Variants in ARHGAP26 observed in about 807,000 individuals in gnomAD.
ARHGAP26 encodes rho GTPase-activating protein 26.
ARHGAP26 carries 38 observed loss-of-function variants against 104.8 expected under a neutral mutation model. The observed-to-expected ratio is 0.36, with a 90% confidence interval of 0.28 to 0.48. ARHGAP26 has a LOEUF of 0.48. Among genes scored for constraint, ARHGAP26 ranks in the 20% least tolerant of loss-of-function variants. The pLI is 0.99. For synonymous variants in ARHGAP26, 341 were observed against 340.0 expected (o/e 1.00, Z -0.03); for missense variants, 704 against 947.9 (o/e 0.74, Z 3.38).
At chr5:143,207,471 C>T (rs1216422892) in intron 21 of ARHGAP26, 163 bp downstream of exon 21, 2 of 1,613,672 alleles carry the variant, frequency 1.2e-6, no homozygotes, top group East Asian at 4.5e-5. Context: ...ATGAAGACTC[C>T]AGGTAAAATC....
intron 17 of ARHGAP26, among the ~76,000 whole-genome samples, chr5:143,111,060 G>A (rs1456583502): frequency 1.3e-5 from 2 of 152,230 alleles, no homozygotes; most frequent in African/African-American, 4.8e-5. Context: ...TACAGCAAAA[G>A]TATCATTCTT....
At chr5:142,790,892 C>T (rs1759662001) in intron 1 of ARHGAP26, among the ~76,000 whole-genome samples, 1 of 152,074 alleles carries the variant, frequency 6.6e-6, no homozygotes. Context: ...ATCTCATTAC[C>T]CCGTTTAGTA....
chr5:143,209,849 C>A (rs1278059799), intron 21 of ARHGAP26, among the ~76,000 whole-genome samples: 1 of 151,376 alleles, frequency 6.6e-6, no homozygotes, highest in Non-Finnish European at 1.5e-5. Flanking sequence ...CAGACAGCAA[C>A]ACTGCTGAGG....
At chr5:142,974,964 A>C (rs1022631089) in intron 11 of ARHGAP26, among the ~76,000 whole-genome samples, 2 of 152,004 alleles carry the variant, frequency 1.3e-5, no homozygotes, top group African/African-American at 4.8e-5. Context: ...TTTTCCATTA[A>C]TCCTGCCTTG....
chr5:142,815,893 C>T (rs886278662), intron 1 of ARHGAP26, among the ~76,000 whole-genome samples: 3 of 152,026 alleles, frequency 2.0e-5, no homozygotes, highest in Non-Finnish European at 2.9e-5. Context: ...CTCCTGGGCT[C>T]AAGTGATTCT....
intron 12 of ARHGAP26, among the ~76,000 whole-genome samples, chr5:143,023,575 A>G (rs1174649783): frequency 6.6e-6 from 1 of 152,108 alleles, no homozygotes. Context: ...TAGAACACCC[A>G]CAGTTGAGAG....
intron 12 of ARHGAP26, among the ~76,000 whole-genome samples, chr5:143,022,035 G>T (rs1366341741): frequency 6.6e-6 from 1 of 152,080 alleles, no homozygotes; most frequent in Non-Finnish European, 1.5e-5. Flanking sequence ...GATGTGTATT[G>T]TGGGGGAACA....
chr5:142,990,678 A>G lies in ARHGAP26; in HGVS notation c.1108-23402A>G, dbSNP rs150513061. On this transcript the variant is annotated intron_variant, in intron 11 of 22. Transcript: ENST00000645722. ...CTTTCTGTTTGTTAGTTTTCCTTCTAACAGTTAGGACTCTCAGCTGCAGGT... is the reference window on the plus strand; with the variant it reads ...CTTTCTGTTTGTTAGTTTTCCTTCTGACAGTTAGGACTCTCAGCTGCAGGT... 2.6e-3 allele frequency among the ~76,000 whole-genome samples: 396 copies of G among 152,264 alleles called. 1 individual carries two copies. The highest frequency in any genetic ancestry group is 8.9e-3 in the African/African-American group (368 of 41,556).
chr5:143,009,681 G>A (rs1398985581), intron 11 of ARHGAP26, among the ~76,000 whole-genome samples: 1 of 152,170 alleles, frequency 6.6e-6, no homozygotes, highest in Admixed American at 6.5e-5. Flanking sequence ...TTCTTCAGAA[G>A]CATATACTTG....
intron 18 of ARHGAP26, among the ~76,000 whole-genome samples, chr5:143,131,652 G>A (rs1797365366): frequency 6.6e-6 from 1 of 152,196 alleles, no homozygotes; most frequent in Non-Finnish European, 1.5e-5. Flanking sequence ...AATGGCTGCT[G>A]CAGCCCTGGG....
chr5:142,814,841 G>C (rs1052418402), intron 1 of ARHGAP26, among the ~76,000 whole-genome samples: 2 of 152,182 alleles, frequency 1.3e-5, no homozygotes, highest in Non-Finnish European at 2.9e-5. Context: ...AATCAGATGA[G>C]ATAATGCGTT....
intron 13 of ARHGAP26, among the ~76,000 whole-genome samples, chr5:143,038,577 C>CGGGCCAAATGTCTCAAAAT (rs1782985180): frequency 6.6e-6 from 1 of 150,848 alleles, no homozygotes; most frequent in Non-Finnish European, 1.5e-5. Flanking sequence ...AAATCAGAAA[C>CGGGCCAAATGTCTCAAAAT]GGGCCAAATG....
intron 17 of ARHGAP26, among the ~76,000 whole-genome samples, chr5:143,083,792 C>G (rs1003972851): frequency 6.6e-6 from 1 of 152,196 alleles, no homozygotes; most frequent in Non-Finnish European, 1.5e-5. Flanking sequence ...AGCCACTGCA[C>G]CCAGCTGCTT....
intron 20 of ARHGAP26, among the ~76,000 whole-genome samples, chr5:143,168,056 A>G (rs17100090): frequency 0.11 from 16,291 of 152,196 alleles, 1,098 homozygotes; most frequent in East Asian, 0.24. Context: ...AACTGGGATG[A>G]TCAAGGAAGG....
At position 142,836,164 on chromosome 5, in the gene ARHGAP26, C is replaced by T. The variant is rs143583768; in HGVS notation, c.155-37236C>T. On this transcript the variant is annotated intron_variant, in intron 1 of 22. Transcript: ENST00000645722. ...CTCCTCTAATGTTTAATTCTGGGTC[C>T]AGGCATCCTGGGCAGGGGCTCTGAA... Among the ~76,000 whole-genome samples, 144 of 152,282 alleles carry T rather than the reference C, an allele frequency of 9.5e-4. 1 individual carries two copies. The highest frequency in any genetic ancestry group is 2.7e-3 in the Admixed American group (42 of 15,296).
rs936170255 is a variant in ARHGAP26, at chr5:142,837,460, C to T, written c.155-35940C>T. Among the ~76,000 whole-genome samples, 7 of 152,166 alleles carry T rather than the reference C, an allele frequency of 4.6e-5. No individual in the cohort carries two copies. In the East Asian group the frequency reaches 1.4e-3, roughly 29 times the overall value. On this transcript the variant is annotated intron_variant, in intron 1 of 22. Transcript: ENST00000645722. ...CCTCGTAGTGAACACGTCATTCGAA[C>T]TTGGTATCTTGTTACTCTCACGTCT...
At chr5:142,953,347 T>C (rs539966008) in intron 11 of ARHGAP26, among the ~76,000 whole-genome samples, 35 of 152,324 alleles carry the variant, frequency 2.3e-4, no homozygotes, top group Middle Eastern at 3.4e-3. Flanking sequence ...CGTAAATAGT[T>C]CCCTTTTTCC....
chr5:143,073,544 G>A (rs532629703), intron 17 of ARHGAP26, among the ~76,000 whole-genome samples: 11 of 152,302 alleles, frequency 7.2e-5, no homozygotes, highest in African/African-American at 1.7e-4. Flanking sequence ...CCCTATTGGC[G>A]GTAGGGGAGA....
chr5:143,214,012 G>T lies in ARHGAP26; in HGVS notation c.2115G>T (p.Lys705Asn), dbSNP rs1809930509. Residue 705 changes from lysine (K) to asparagine (N), a missense_variant, in exon 22 of 23, where the codon AAG becomes AAT. Coordinates refer to ENST00000645722, the MANE Select transcript of ARHGAP26 (RefSeq NM_001135608.3). ...DSSPVSTPFR[K>N]AKALYACKAE... Reference sequence around the variant, plus strand: ...TTTCACACAGCACACCGTTCCGGAAGGCAAAAGCCTTGTATGCCTGCAAAG... The same window carrying T: ...TTTCACACAGCACACCGTTCCGGAATGCAAAAGCCTTGTATGCCTGCAAAG... The T allele has an allele frequency of 1.3e-6, 2 of 1,592,332 alleles. No individual in the cohort carries two copies. Among genetic ancestry groups the T allele is most frequent in the South Asian group, 2.2e-5 (2 of 89,146 alleles).
Sources: allele counts gnomAD v4.1 joint callset (sites outside exome capture counted in the v4.1 genomes callset), GRCh38; gene constraint gnomAD v4.1.1; transcripts MANE v1.5; gene names NCBI Gene and HGNC (gene_info 2026-07-23, HGNC 2026-07-21).